The following CREB5 variants were observed in gnomAD, a reference collection of about 807,000 sequenced individuals.
CREB5 encodes cyclic AMP-responsive element-binding protein 5.
Under a neutral mutation model 57.1 loss-of-function variants are expected in CREB5, and 19 were observed. That is an observed-to-expected ratio of 0.33 (90% CI 0.23 to 0.49). CREB5 has a LOEUF of 0.49. Among genes scored for constraint, CREB5 ranks in the 20% least tolerant of loss-of-function variants. CREB5 has a pLI of 0.99. For synonymous variants in CREB5, 238 were observed against 238.3 expected (o/e 1.00, Z 0.01); for missense variants, 579 against 671.6 (o/e 0.86, Z 1.52).
chr7:28,343,232 G>C (rs1037898443), intron 1 of CREB5, among the ~76,000 whole-genome samples: 2 of 152,156 alleles, frequency 1.3e-5, no homozygotes, highest in Non-Finnish European at 2.9e-5. Flanking sequence ...GAGCCACTGC[G>C]CCTGGCCTGA....
chr7:28,446,919 C>G (rs1289577136), intron 1 of CREB5, among the ~76,000 whole-genome samples: 1 of 152,194 alleles, frequency 6.6e-6, no homozygotes, highest in African/African-American at 2.4e-5. Flanking sequence ...GAAGTACCTC[C>G]TCTACTAAGC....
At chr7:28,471,476 C>CT (rs1320749747) in intron 1 of CREB5, among the ~76,000 whole-genome samples, 3 of 152,110 alleles carry the variant, frequency 2.0e-5, no homozygotes, top group Admixed American at 6.5e-5. Flanking sequence ...GTTACTATAG[C>CT]TCAGTATAAT....
chr7:28,576,462 A>G (rs1486217530), intron 5 of CREB5, among the ~76,000 whole-genome samples: 2 of 152,186 alleles, frequency 1.3e-5, no homozygotes, highest in African/African-American at 4.8e-5. Flanking sequence ...TCAAAAGCAC[A>G]TGTTTCCCCA....
chr7:28,433,723 G>C (rs1356934055), intron 1 of CREB5, among the ~76,000 whole-genome samples: 1 of 151,992 alleles, frequency 6.6e-6, no homozygotes, highest in East Asian at 1.9e-4. Context: ...TATTTTCAGT[G>C]TAAAAAGGGT....
At chr7:28,321,101 G>A (rs1029621378) in intron 1 of CREB5, among the ~76,000 whole-genome samples, 5 of 152,192 alleles carry the variant, frequency 3.3e-5, no homozygotes, top group African/African-American at 1.2e-4. Flanking sequence ...TCAACGGATT[G>A]TAGAGAGGAT....
chr7:28,691,380 A>G (rs1045308165), intron 5 of CREB5, among the ~76,000 whole-genome samples: 2 of 140,294 alleles, frequency 1.4e-5, no homozygotes, highest in African/African-American at 5.3e-5. Context: ...AGATTGTGCC[A>G]TTGCACTCCA....
intron 7 of CREB5, among the ~76,000 whole-genome samples, chr7:28,765,032 T>C (rs1227847329): frequency 2.0e-5 from 3 of 152,208 alleles, no homozygotes; most frequent in Middle Eastern, 3.2e-3. Flanking sequence ...ATCTAGAATA[T>C]GGATCACCAA....
intron 5 of CREB5, among the ~76,000 whole-genome samples, chr7:28,708,365 A>G (rs765133442): frequency 1.3e-5 from 2 of 152,094 alleles, no homozygotes; most frequent in Admixed American, 6.6e-5. Flanking sequence ...TGTATCGTGG[A>G]GCTAATAAAT....
chr7:28,649,138 C>G (rs528178579), intron 5 of CREB5, among the ~76,000 whole-genome samples: 15 of 152,202 alleles, frequency 9.9e-5, no homozygotes, highest in Non-Finnish European at 2.1e-4. Context: ...ATATACGAAG[C>G]AGGCAGTTGA....
chr7:28,802,629 C>T (rs10264735), intron 7 of CREB5, among the ~76,000 whole-genome samples: 15,237 of 152,276 alleles, frequency 0.1, 849 homozygotes, highest in African/African-American at 0.13. Flanking sequence ...ATATTTCCAA[C>T]GAGTAACTGC....
At chr7:28,318,767 C>T (rs1027144468) in intron 1 of CREB5, among the ~76,000 whole-genome samples, 2 of 152,320 alleles carry the variant, frequency 1.3e-5, no homozygotes, top group African/African-American at 2.4e-5. Flanking sequence ...CACAGAATAT[C>T]ATCGTAAATA....
intron 4 of CREB5, among the ~76,000 whole-genome samples, chr7:28,509,095 T>C (rs1792596958): frequency 6.6e-6 from 1 of 152,190 alleles, no homozygotes; most frequent in South Asian, 2.1e-4. Flanking sequence ...GACATGTGTA[T>C]GTAGAAGACT....
At chr7:28,368,671 TA>T (rs1206048284) in intron 1 of CREB5, among the ~76,000 whole-genome samples, 4 of 152,200 alleles carry the variant, frequency 2.6e-5, no homozygotes, top group African/African-American at 9.7e-5. Context: ...TCAGCTCACA[TA>T]ACATCCCCTT....
At chr7:28,443,945 T>C (rs1016430961) in intron 1 of CREB5, among the ~76,000 whole-genome samples, 1 of 152,054 alleles carries the variant, frequency 6.6e-6, no homozygotes, top group African/African-American at 2.4e-5. Flanking sequence ...CAGAATGGTG[T>C]TTTGAGGTGG....
At chr7:28,372,626 G>A (rs895721179) in intron 1 of CREB5, among the ~76,000 whole-genome samples, 2 of 152,324 alleles carry the variant, frequency 1.3e-5, no homozygotes, top group African/African-American at 4.8e-5. Context: ...GTTTATTATA[G>A]ATTGGTATTA....
chr7:28,555,075 A>T (rs1794809742), intron 4 of CREB5, among the ~76,000 whole-genome samples: 1 of 149,352 alleles, frequency 6.7e-6, no homozygotes, highest in Admixed American at 6.7e-5. Flanking sequence ...AGCACACTAG[A>T]GGTCTTCCAG....
At chr7:28,571,666 G>A (rs1023634817) in intron 5 of CREB5, among the ~76,000 whole-genome samples, 5 of 152,306 alleles carry the variant, frequency 3.3e-5, no homozygotes, top group Middle Eastern at 3.4e-3. Flanking sequence ...GATCCGCAGC[G>A]TGGGCATTTC....
intron 3 of CREB5, among the ~76,000 whole-genome samples, chr7:28,499,809 T>G (rs1229094312): frequency 6.6e-6 from 1 of 152,112 alleles, no homozygotes; most frequent in Non-Finnish European, 1.5e-5. Context: ...TCTCGAACTC[T>G]CAACCTCAGG....
At chr7:28,768,345 G>A (rs1478988252) in intron 7 of CREB5, among the ~76,000 whole-genome samples, 1 of 152,180 alleles carries the variant, frequency 6.6e-6, no homozygotes, top group Non-Finnish European at 1.5e-5. Flanking sequence ...GCTCATGAAT[G>A]TGGAAGTGAG....
Sources: gnomAD v4.1 joint callset for allele counts (sites outside exome capture counted in the v4.1 genomes callset) on GRCh38, gnomAD v4.1.1 for gene constraint, MANE v1.5 for transcripts, NCBI Gene and HGNC (gene_info 2026-07-23, HGNC 2026-07-21) for gene names.